The following DACH1 variants were observed in gnomAD, a reference collection of about 807,000 sequenced individuals.
The protein encoded by DACH1 is dachshund family transcription factor 1.
DACH1 carries 12 observed loss-of-function variants against 54.2 expected under a neutral mutation model. That is an observed-to-expected ratio of 0.22 (90% CI 0.14 to 0.36). DACH1 has a LOEUF of 0.36. Among genes scored for constraint, DACH1 ranks in the 10% least tolerant of loss-of-function variants. DACH1 has a pLI of 1.00. For synonymous variants in DACH1, 386 were observed against 366.2 expected, an observed-to-expected ratio of 1.05 and a Z score of -0.62; for missense variants, 805 against 929.8, an observed-to-expected ratio of 0.87 and a Z score of 1.75.
At chr13:71,497,938 C>A (rs1407031745) in intron 6 of DACH1, among the ~76,000 whole-genome samples, 2 of 151,230 alleles carry the variant, frequency 1.3e-5, no homozygotes, top group African/African-American at 2.4e-5. Flanking sequence ...ACACACAGTA[C>A]AGGTTTTGCA....
At chr13:71,843,586 G>C (rs1403743351) in intron 1 of DACH1, among the ~76,000 whole-genome samples, 1 of 152,156 alleles carries the variant, frequency 6.6e-6, no homozygotes, top group Non-Finnish European at 1.5e-5. Context: ...TTAAAGCATA[G>C]TACTGATGCT....
intron 6 of DACH1, among the ~76,000 whole-genome samples, chr13:71,555,600 C>A (rs1884194565): frequency 6.6e-6 from 1 of 152,082 alleles, no homozygotes; most frequent in East Asian, 1.9e-4. Context: ...CTCAGCCTCC[C>A]AAAGTGCTGG....
In DACH1 at chr13:71,493,332, TG is replaced by T. The variant is rs747714421; in HGVS notation, c.1571-4185del. Among the ~76,000 whole-genome samples the T allele has an allele frequency of 7.4e-4, 112 of 152,238 alleles. 1 individual carries two copies. The highest frequency in any genetic ancestry group is 7.1e-4 in the Non-Finnish European group (48 of 68,010). ...TGAGGGCCAACCTCACGAGTTGGGT[TG>T]AAAGTAGATTCTTCCTAACCAGTTA... On this transcript the variant is annotated intron_variant, in intron 6 of 10. Transcript: ENST00000613252.
intron 7 of DACH1, among the ~76,000 whole-genome samples, chr13:71,486,194 T>C (rs2138196860): frequency 6.6e-6 from 1 of 152,036 alleles, no homozygotes; most frequent in East Asian, 1.9e-4. Flanking sequence ...ATTAGAACAA[T>C]AACACTTTAT....
At chr13:71,636,972 A>G (rs1264612624) in intron 2 of DACH1, among the ~76,000 whole-genome samples, 1 of 152,100 alleles carries the variant, frequency 6.6e-6, no homozygotes, top group African/African-American at 2.4e-5. Context: ...TTTGCTAGTC[A>G]ATTTCTTTTA....
chr13:71,501,702 A>C (rs1213816648), intron 6 of DACH1, among the ~76,000 whole-genome samples: 1 of 152,202 alleles, frequency 6.6e-6, no homozygotes, highest in Non-Finnish European at 1.5e-5. Flanking sequence ...CTACTCAGTA[A>C]AGATTCTATT....
chr13:71,744,459 C>T (rs909516285), intron 1 of DACH1, among the ~76,000 whole-genome samples: 10 of 152,248 alleles, frequency 6.6e-5, no homozygotes, highest in East Asian at 1.9e-4. Flanking sequence ...GCCTGGAGGA[C>T]GGTAGAGCCA....
rs1877472743 is a variant in DACH1, at chr13:71,475,836, C to T, written c.1884G>A (p.Lys628=). The T allele has an allele frequency of 1.9e-6, 3 of 1,609,578 alleles. No individual in the cohort carries two copies. The African/African-American group carries it at 4.0e-5, about 22-fold the overall frequency. ...TTGCCTTCTTCTCCTTCTTTAGCCTCTTTTGAACTATGGCTAAAAAAGAGT... is the reference window on the plus strand; with the variant it reads ...TTGCCTTCTTCTCCTTCTTTAGCCTTTTTTGAACTATGGCTAAAAAAGAGT... The part of the protein sequence containing the change: ...MEQKNRAIVQ[K]RLKKEKKAKR... The change falls in exon 9 of 11, where the codon AAG becomes AAA. Residue 628 remains lysine, a synonymous_variant. Coordinates refer to ENST00000613252, the MANE Select transcript of DACH1 (RefSeq NM_080759.6).
At chr13:71,696,411 C>T (rs1418264439) in intron 1 of DACH1, among the ~76,000 whole-genome samples, 1 of 152,132 alleles carries the variant, frequency 6.6e-6, no homozygotes, top group African/African-American at 2.4e-5. Context: ...GAATAAATCA[C>T]AGACTGCTAA....
At chr13:71,723,454 T>C (rs1366379530) in intron 1 of DACH1, among the ~76,000 whole-genome samples, 3 of 152,130 alleles carry the variant, frequency 2.0e-5, no homozygotes, top group Non-Finnish European at 2.9e-5. Context: ...ATGGTTAACA[T>C]GGTTCCCCAA....
intron 1 of DACH1, among the ~76,000 whole-genome samples, chr13:71,737,311 T>C (rs939227308): frequency 1.3e-5 from 2 of 152,118 alleles, no homozygotes; most frequent in Non-Finnish European, 2.9e-5. Flanking sequence ...AAGATAGTTT[T>C]GGAGCAGGTA....
chr13:71,483,283 C>T (rs2138190394), intron 7 of DACH1, among the ~76,000 whole-genome samples: 1 of 149,850 alleles, frequency 6.7e-6, no homozygotes, highest in African/African-American at 2.4e-5. Flanking sequence ...ATATTAGCTT[C>T]CCCATATTTT....
intron 6 of DACH1, among the ~76,000 whole-genome samples, chr13:71,499,161 A>ATTTAACTTTCAAATAT (rs1879709558): frequency 6.7e-6 from 1 of 149,956 alleles, no homozygotes; most frequent in Non-Finnish European, 1.5e-5. Context: ...ACACACACTG[A>ATTTAACTTTCAAATAT]TTTAACTTTC....
chr13:71,735,360 CACGTATACGGGATATACGTGTATATG>C lies in DACH1; in HGVS notation c.849-53476_849-53451del, dbSNP rs1884014915. Reference sequence around the variant, plus strand: ...GGGATATACGTGTATATGGGATATACACGTATACGGGATATACGTGTATATGGGATATACACGTATACGGGATATAC... The same window carrying C: ...GGGATATACGTGTATATGGGATATACGGATATACACGTATACGGGATATAC... On this transcript the variant is annotated intron_variant, in intron 1 of 10. Transcript: ENST00000613252. Among the ~76,000 whole-genome samples the C allele has an allele frequency of 8.0e-5, 3 of 37,550 alleles. 1 individual carries two copies. The highest frequency in any genetic ancestry group is 1.9e-4 in the African/African-American group (3 of 16,154). The allele number at this position is 37,550 out of a possible 152,430, so 24.6% of individuals were successfully genotyped here.
intron 2 of DACH1, among the ~76,000 whole-genome samples, chr13:71,634,200 T>C (rs1877309031): frequency 6.6e-6 from 1 of 152,090 alleles, no homozygotes; most frequent in Non-Finnish European, 1.5e-5. Context: ...CTCGAATTCC[T>C]AACCTCAAGT....
intron 3 of DACH1, among the ~76,000 whole-genome samples, chr13:71,575,496 A>C (rs1201598743): frequency 6.6e-6 from 1 of 152,188 alleles, no homozygotes; most frequent in Non-Finnish European, 1.5e-5. Flanking sequence ...AATGGGAAAT[A>C]GTTATTTCTG....
intron 6 of DACH1, among the ~76,000 whole-genome samples, chr13:71,528,210 A>G (rs751753658): frequency 7.5e-4 from 114 of 152,278 alleles, no homozygotes; most frequent in Middle Eastern, 3.4e-3. Flanking sequence ...ACATAAGGGC[A>G]AGAAAAAGTT....
chr13:71,683,676 C>T (rs1443071408), intron 1 of DACH1, among the ~76,000 whole-genome samples: 1 of 152,098 alleles, frequency 6.6e-6, no homozygotes, highest in Non-Finnish European at 1.5e-5. Flanking sequence ...CTTATTATTA[C>T]TTTCTCATGA....
intron 3 of DACH1, chr13:71,573,331 T>C: frequency 2.9e-6 from 2 of 678,430 alleles, no homozygotes; most frequent in Non-Finnish European, 5.4e-6. Flanking sequence ...AAATATAGTA[T>C]ATCTCTTTAT....
Sources: gnomAD v4.1 joint callset for allele counts (sites outside exome capture counted in the v4.1 genomes callset) on GRCh38, gnomAD v4.1.1 for gene constraint, MANE v1.5 for transcripts, NCBI Gene and HGNC (gene_info 2026-07-23, HGNC 2026-07-21) for gene names.